UXS1: variants seen among roughly 807,000 people sequenced by gnomAD.
UXS1 encodes UDP-glucuronate decarboxylase 1.
Under a neutral mutation model 62.6 loss-of-function variants are expected in UXS1, and 33 were observed. The observed-to-expected ratio is 0.53, with a 90% CI of 0.40 to 0.70. The LOEUF is 0.70. Among genes scored for constraint, UXS1 ranks in the 30% least tolerant of loss-of-function variants. UXS1 has a pLI of 0.00. For synonymous variants in UXS1, 213 were observed against 206.8 expected (o/e 1.03, Z -0.26); for missense variants, 434 against 556.3 (o/e 0.78, Z 2.21).
intron 6 of UXS1, chr2:106,138,508 G>A (rs927906107): frequency 7.5e-5 from 74 of 985,310 alleles, no homozygotes; most frequent in African/African-American, 3.5e-4. Context: ...ATTTCCAGGC[G>A]GGCCTGGAAA....
At chr2:106,192,658 T>G (rs577362762) in intron 1 of UXS1, among the ~76,000 whole-genome samples, 6 of 152,208 alleles carry the variant, frequency 3.9e-5, no homozygotes, top group Admixed American at 6.5e-5. Flanking sequence ...ACATTGAAAC[T>G]GCTGTTCGAA....
chr2:106,155,645 G>T (rs1408485744), intron 5 of UXS1, among the ~76,000 whole-genome samples: 1 of 152,156 alleles, frequency 6.6e-6, no homozygotes, highest in Non-Finnish European at 1.5e-5. Context: ...TGTGTAGCAG[G>T]CTGTACCATC....
intron 1 of UXS1, among the ~76,000 whole-genome samples, chr2:106,166,645 C>T (rs1008333731): frequency 6.6e-6 from 1 of 151,052 alleles, no homozygotes; most frequent in Non-Finnish European, 1.5e-5. Context: ...CTATCTATCC[C>T]TGCAGTTTTG....
At chr2:106,155,922 AAAT>A (rs1402632477) in intron 5 of UXS1, among the ~76,000 whole-genome samples, 1 of 152,206 alleles carries the variant, frequency 6.6e-6, no homozygotes, top group African/African-American at 2.4e-5. Context: ...TCACAGGCCT[AAAT>A]TTAAGAACAA....
At chr2:106,155,266 A>C (rs555160352) in intron 5 of UXS1, among the ~76,000 whole-genome samples, 2 of 152,340 alleles carry the variant, frequency 1.3e-5, no homozygotes, top group South Asian at 4.1e-4. Context: ...CAAGAATCTT[A>C]TATACGACCA....
intron 5 of UXS1, among the ~76,000 whole-genome samples, chr2:106,153,821 T>C (rs1010018113): frequency 6.6e-6 from 1 of 152,228 alleles, no homozygotes; most frequent in Non-Finnish European, 1.5e-5. Flanking sequence ...TTAAAAGTTA[T>C]GGCAAGTGTT....
chr2:106,129,142 C>T (rs943795894), intron 7 of UXS1, among the ~76,000 whole-genome samples: 4 of 152,208 alleles, frequency 2.6e-5, no homozygotes, highest in African/African-American at 9.6e-5. Context: ...CCATCTTTTA[C>T]TAATGCGAAC....
At chr2:106,125,084 G>A (rs946256330) in intron 8 of UXS1, among the ~76,000 whole-genome samples, 60 of 152,142 alleles carry the variant, frequency 3.9e-4, no homozygotes, top group African/African-American at 1.4e-3. Context: ...TCCTTCTCAG[G>A]CAGTGAAGGA....
At chr2:106,112,579 C>T in intron 10 of UXS1, 67 bp downstream of exon 10, 1 of 1,584,698 alleles carries the variant, frequency 6.3e-7, no homozygotes. Context: ...GCACTTATCC[C>T]TCATCCTTTG....
intron 1 of UXS1, among the ~76,000 whole-genome samples, chr2:106,176,210 G>C (rs1683866265): frequency 6.6e-6 from 1 of 152,010 alleles, no homozygotes. Context: ...CCCATCTGAA[G>C]AAAACAAGTG....
intron 6 of UXS1, chr2:106,138,114 G>C (rs1311979368): frequency 7.4e-6 from 7 of 939,748 alleles, no homozygotes; most frequent in Non-Finnish European, 8.9e-6. Context: ...GAAGAAGTGT[G>C]CCTTGAGAGT....
intron 9 of UXS1, among the ~76,000 whole-genome samples, chr2:106,118,027 G>C (rs1490040795): frequency 1.3e-5 from 2 of 152,186 alleles, no homozygotes; most frequent in Non-Finnish European, 1.5e-5. Context: ...CCTGAGGTTT[G>C]CTCTGCAGCA....
chr2:106,104,735 T>C, intron 11 of UXS1, 59 bp downstream of exon 11: 3 of 1,602,766 alleles, frequency 1.9e-6, no homozygotes, highest in Non-Finnish European at 2.6e-6. Context: ...GTCTGTCAAG[T>C]TGGCATGACC....
At chr2:106,192,651 T>C (rs192023210) in intron 1 of UXS1, among the ~76,000 whole-genome samples, 73 of 152,242 alleles carry the variant, frequency 4.8e-4, no homozygotes, top group South Asian at 1.7e-3. Flanking sequence ...AAAATAAACA[T>C]TGAAACTGCT....
chr2:106,110,447 A>G (rs909662390), intron 10 of UXS1, among the ~76,000 whole-genome samples: 3 of 152,222 alleles, frequency 2.0e-5, no homozygotes, highest in African/African-American at 7.2e-5. Flanking sequence ...TCCTCTAAAC[A>G]AAGCAGCTCT....
intron 3 of UXS1, among the ~76,000 whole-genome samples, chr2:106,164,467 C>A (rs1394397103): frequency 6.6e-6 from 1 of 152,180 alleles, no homozygotes; most frequent in Non-Finnish European, 1.5e-5. Context: ...GCAATCACTT[C>A]CCTTTCTCTA....
chr2:106,164,424 G>A (rs1025712409), intron 3 of UXS1, among the ~76,000 whole-genome samples: 9 of 152,024 alleles, frequency 5.9e-5, no homozygotes, highest in African/African-American at 2.2e-4. Context: ...GTGCCAGTGA[G>A]AGGATGTTTG....
At chr2:106,148,786 TCAC>T (rs1681786843) in intron 5 of UXS1, among the ~76,000 whole-genome samples, 1 of 152,224 alleles carries the variant, frequency 6.6e-6, no homozygotes, top group Non-Finnish European at 1.5e-5. Flanking sequence ...GGAACACTAA[TCAC>T]CAAACCCAAG....
intron 1 of UXS1, among the ~76,000 whole-genome samples, chr2:106,191,365 A>T (rs927325011): frequency 2.6e-5 from 4 of 152,332 alleles, no homozygotes; most frequent in Middle Eastern, 3.4e-3. Context: ...AAGATTACTA[A>T]TTAGGAAAAG....
Sources: allele counts gnomAD v4.1 joint callset (sites outside exome capture counted in the v4.1 genomes callset), GRCh38; gene constraint gnomAD v4.1.1; transcripts MANE v1.5; gene names NCBI Gene and HGNC (gene_info 2026-07-23, HGNC 2026-07-21).